Variants in C1QTNF9B observed in about 807,000 individuals in gnomAD.
C1QTNF9B encodes the protein complement C1q and tumor necrosis factor-related protein 9B.
A neutral mutation model predicts 10.1 loss-of-function variants in C1QTNF9B; 9 were observed. The ratio of observed to expected loss-of-function variants is 0.89; its 90% CI spans 0.53 to 1.55. The LOEUF (loss-of-function observed/expected upper bound fraction) is 1.55, where lower values mean the gene tolerates loss of function less well. Among genes scored for constraint, C1QTNF9B ranks in the 40% most tolerant of loss-of-function variants. The pLI, the probability that C1QTNF9B is intolerant of heterozygous loss-of-function variation, is 0.00. For missense variants in C1QTNF9B, 196 were observed against 414.4 expected (o/e 0.47, Z 4.58); for synonymous variants, 79 against 159.9 (o/e 0.49, Z 3.82).
intron 1 of C1QTNF9B, among the ~76,000 whole-genome samples, chr13:23,895,533 A>T (rs566682262): frequency 2.3e-4 from 35 of 152,324 alleles, no homozygotes; most frequent in African/African-American, 8.2e-4. Context: ...ATTTGCTTCT[A>T]AGAAGTATGT....
exon 3 of C1QTNF9B, chr13:23,891,529 G>A: frequency 1.2e-6 from 2 of 1,608,216 alleles, no homozygotes; most frequent in African/African-American, 1.4e-5. Context: ...AAACAGTGAT[G>A]TGGTAGGTGA....
chr13:23,896,871 A>C, exon 1 of C1QTNF9B: 2 of 1,614,046 alleles, frequency 1.2e-6, no homozygotes, highest in Non-Finnish European at 1.7e-6. Context: ...TCTTCCAGGC[A>C]GACCATTGTG....
At chr13:23,891,138 C>T (rs1393915258) in exon 3 of C1QTNF9B, 2 of 752,484 alleles carry the variant, frequency 2.7e-6, no homozygotes, top group East Asian at 2.9e-5. Context: ...TAGTAAGTTA[C>T]ATAGAATCAG....
intron 1 of C1QTNF9B, among the ~76,000 whole-genome samples, chr13:23,895,509 A>G (rs1872170136): frequency 6.6e-6 from 1 of 152,220 alleles, no homozygotes; most frequent in African/African-American, 2.4e-5. Context: ...TTACATAGAA[A>G]AAATAGATAT....
At chr13:23,895,189 G>T (rs1872153953) in intron 1 of C1QTNF9B, among the ~76,000 whole-genome samples, 1 of 151,788 alleles carries the variant, frequency 6.6e-6, no homozygotes, top group Non-Finnish European at 1.5e-5. Flanking sequence ...GCTCCCCTGT[G>T]TCTTCCTCTC....
exon 3 of C1QTNF9B, chr13:23,891,323 G>A (rs1871913479): frequency 1.9e-6 from 3 of 1,553,942 alleles, no homozygotes; most frequent in Non-Finnish European, 2.6e-6. Flanking sequence ...CCCTGTGAAA[G>A]TTGTGTCATC....
At chr13:23,895,577 G>A (rs1051916233) in intron 1 of C1QTNF9B, among the ~76,000 whole-genome samples, 1 of 152,140 alleles carries the variant, frequency 6.6e-6, no homozygotes, top group Non-Finnish European at 1.5e-5. Context: ...GTGAGCAGAG[G>A]AGAGAAATTC....
intron 2 of C1QTNF9B, among the ~76,000 whole-genome samples, chr13:23,892,940 C>T: frequency 6.6e-6 from 1 of 152,168 alleles, no homozygotes; most frequent in East Asian, 1.9e-4. Flanking sequence ...TAAAATAAAG[C>T]CTGCATCGAG....
chr13:23,893,284 A>G (rs922603962), intron 2 of C1QTNF9B, among the ~76,000 whole-genome samples: 14 of 152,130 alleles, frequency 9.2e-5, no homozygotes, highest in Admixed American at 7.9e-4. Context: ...ACTACATCCC[A>G]ACCCATCAGG....
chr13:23,896,461 G>T (rs1415931743), intron 1 of C1QTNF9B, among the ~76,000 whole-genome samples: 1 of 152,186 alleles, frequency 6.6e-6, no homozygotes, highest in Admixed American at 6.5e-5. Context: ...TATTGGCCTC[G>T]TGTTGCCAAA....
chr13:23,896,067 A>G (rs1593222512), intron 1 of C1QTNF9B, among the ~76,000 whole-genome samples: 2 of 152,214 alleles, frequency 1.3e-5, no homozygotes, highest in East Asian at 3.8e-4. Flanking sequence ...CTTATTTGTA[A>G]AAAGGTCCAT....
At chr13:23,895,943 T>A (rs2137569103) in intron 1 of C1QTNF9B, among the ~76,000 whole-genome samples, 1 of 152,286 alleles carries the variant, frequency 6.6e-6, no homozygotes, top group African/African-American at 2.4e-5. Context: ...AGAGCAGATG[T>A]GCCGGTTAGA....
chr13:23,895,541 T>C (rs1354165655), intron 1 of C1QTNF9B, among the ~76,000 whole-genome samples: 3 of 152,150 alleles, frequency 2.0e-5, no homozygotes, highest in Non-Finnish European at 4.4e-5. Context: ...CTAAGAAGTA[T>C]GTAAAACTTG....
rs985435079 is a variant in C1QTNF9B at position 23,894,203 on chromosome 13, T to C, written c.167-2A>G. 5 of 1,488,026 alleles carry C rather than the reference T, an allele frequency of 3.4e-6. No homozygotes were observed. Among genetic ancestry groups the C allele is most frequent in the Admixed American group, 3.5e-5 (2 of 56,804 alleles). The allele number at this position is 1,488,026 out of a possible 1,614,324, so 92.2% of individuals were successfully genotyped here. On this transcript the variant is annotated splice_acceptor_variant, in intron 1 of 2. Transcript: ENST00000382137. LOFTEE classifies it high-confidence loss of function. Reference sequence around the variant, plus strand: ...GGCTGCCAGGACATCCTGGTTCTCCTAGGTGGAAAAGCAGAAAACAGGCAT... The same window carrying C: ...GGCTGCCAGGACATCCTGGTTCTCCCAGGTGGAAAAGCAGAAAACAGGCAT...
At chr13:23,891,836 C>G (rs1407611861) in exon 3 of C1QTNF9B, 1 of 1,611,726 alleles carries the variant, frequency 6.2e-7, no homozygotes, top group Admixed American at 1.7e-5. Flanking sequence ...GCCCATGGGG[C>G]CCGGTAAACC....
chr13:23,895,756 T>C (rs919401815), intron 1 of C1QTNF9B, among the ~76,000 whole-genome samples: 111 of 146,678 alleles, frequency 7.6e-4, no homozygotes, highest in African/African-American at 2.0e-3. Context: ...GACACAGACA[T>C]ACACACACAC....
At position 23,896,807 on chromosome 13, in the gene C1QTNF9B, C is replaced by T. The variant is rs374282966; in HGVS notation, c.166+14G>A. 3.5e-4 allele frequency: 567 copies of T among 1,611,246 alleles called. 1 individual carries two copies. Among genetic ancestry groups the T allele is most frequent in the African/African-American group, 3.2e-3 (238 of 75,028 alleles). ...AGAGAAGCTCAAAGGCAGCCGAAGC[C>T]GTCAGGTGAGTACCTGCATCGCCTT... On this transcript the variant is annotated intron_variant, in intron 1 of 2. Transcript: ENST00000382137.
In C1QTNF9B at chr13:23,894,130, A is replaced by G. The variant is rs201844604; in HGVS notation, c.229+9T>C. 3.3e-4 allele frequency: 490 copies of G among 1,504,646 alleles called. 12 individuals carry two copies. The highest frequency in any genetic ancestry group is 3.4e-4 in the Middle Eastern group (2 of 5,880). 93.2% of individuals were successfully genotyped at this position (1,504,646 alleles called of 1,614,324 possible). ...CAGAATTAGAGCACCATAAATAGGA[A>G]CTACTAACCTCGTTCTCCCTTCTCT... On this transcript the variant is annotated intron_variant, in intron 2 of 2. Coordinates refer to ENST00000382137, the Ensembl canonical transcript of C1QTNF9B.
chr13:23,895,244 C>T (rs1265990646), intron 1 of C1QTNF9B, among the ~76,000 whole-genome samples: 2 of 152,018 alleles, frequency 1.3e-5, no homozygotes, highest in African/African-American at 4.8e-5. Context: ...TTCTCCCATT[C>T]TCTAGAGCAG....
Sources: allele counts gnomAD v4.1 joint callset (sites outside exome capture counted in the v4.1 genomes callset), GRCh38; gene constraint gnomAD v4.1.1; transcripts MANE v1.5; gene names NCBI Gene and HGNC (gene_info 2026-07-23, HGNC 2026-07-21).